Variants in COL28A1 observed in about 807,000 individuals in gnomAD.
The protein encoded by COL28A1 is collagen alpha-1(XXVIII) chain.
A neutral mutation model predicts 150.2 loss-of-function variants in COL28A1; 161 were observed. That is an observed-to-expected ratio of 1.07 (90% CI 0.94 to 1.22). COL28A1 has a LOEUF of 1.22. Ranked by LOEUF, COL28A1 falls within the 50% of genes most tolerant of loss-of-function variation. COL28A1 has a pLI of 0.00. For missense variants in COL28A1, 1,617 were observed against 1,388.3 expected (o/e 1.16, Z -2.62); for synonymous variants, 552 against 469.7 (o/e 1.18, Z -2.26).
the COL28A1 span, among the ~76,000 whole-genome samples, chr7:7,346,589 G>A: frequency 6.6e-6 from 1 of 151,892 alleles, no homozygotes; most frequent in Non-Finnish European, 1.5e-5. Context: ...CCTTTAATAT[G>A]TTCATGTCTA....
chr7:7,491,994 C>G (rs1272261002), intron 11 of COL28A1, among the ~76,000 whole-genome samples: 3 of 152,156 alleles, frequency 2.0e-5, no homozygotes, highest in Non-Finnish European at 4.4e-5. Context: ...ACACGTGTAC[C>G]TTTAATTTAT....
chr7:7,438,276 A>T (rs571674913), intron 21 of COL28A1, among the ~76,000 whole-genome samples: 70 of 152,274 alleles, frequency 4.6e-4, no homozygotes, highest in African/African-American at 1.5e-3. Context: ...CTATGATTTT[A>T]AAAAAATGAC....
intron 20 of COL28A1, among the ~76,000 whole-genome samples, 179 bp downstream of exon 20, chr7:7,443,405 AT>A (rs145629603): frequency 0.023 from 3,542 of 152,312 alleles, 114 homozygotes; most frequent in African/African-American, 0.073. Context: ...CGTTAGGAAA[AT>A]AAAAGTGAAT....
chr7:7,447,464 G>A (rs10257694), intron 18 of COL28A1, among the ~76,000 whole-genome samples: 28,619 of 151,062 alleles, frequency 0.19, 3,449 homozygotes, highest in African/African-American at 0.34. Context: ...AAAAATAGGC[G>A]TTCAAAAAGG....
At chr7:7,350,674 T>TTAA in the COL28A1 span, among the ~76,000 whole-genome samples, 2 of 134,112 alleles carry the variant, frequency 1.5e-5, no homozygotes, top group African/African-American at 5.4e-5. Flanking sequence ...TTTTTTTTTT[T>TTAA]AAAACCGCTG....
chr7:7,432,032 A>T (rs983815267), intron 25 of COL28A1, among the ~76,000 whole-genome samples: 1 of 152,184 alleles, frequency 6.6e-6, no homozygotes, highest in Non-Finnish European at 1.5e-5. Context: ...TAAATTAGAG[A>T]TGTTTGTGAG....
intron 5 of COL28A1, among the ~76,000 whole-genome samples, chr7:7,521,365 G>A (rs1781714627): frequency 6.6e-6 from 1 of 152,170 alleles, no homozygotes; most frequent in African/African-American, 2.4e-5. Flanking sequence ...AATCATCATA[G>A]TCAATCCTGC....
intron 13 of COL28A1, among the ~76,000 whole-genome samples, chr7:7,489,119 AC>A (rs1324392262): frequency 6.6e-6 from 1 of 152,024 alleles, no homozygotes; most frequent in Non-Finnish European, 1.5e-5. Context: ...AATACAAAAA[AC>A]ATTAGCTGGG....
Position 7,517,807 on chromosome 7 carries a change from T to G in COL28A1, c.844A>C (p.Arg282=), listed in dbSNP as rs369683040. The change falls in exon 7 of 35, where the codon AGA becomes CGA. Residue 282 remains arginine (R), a synonymous_variant. Transcript: ENST00000399429. ...AGTTGTGTACATACCCCTGGACCTCTTTCTCCAGCTTCTCCTTTTTGAGCG... is the reference window on the plus strand; with the variant it reads ...AGTTGTGTACATACCCCTGGACCTCGTTCTCCAGCTTCTCCTTTTTGAGCG... ...GNAQKGEAGE[R]GPGGIPGYKG... The G allele has an allele frequency of 6.2e-7, 1 of 1,613,814 alleles. No homozygotes were observed. The highest frequency in any genetic ancestry group is 8.5e-7 in the Non-Finnish European group (1 of 1,179,720).
At chr7:7,539,505 G>A (rs1351833435), upstream of COL28A1, among the ~76,000 whole-genome samples, 1 of 152,138 alleles carries the variant, frequency 6.6e-6, no homozygotes. Flanking sequence ...CAACAGTGGG[G>A]ATGAAATTTC....
rs574204181 is a variant in COL28A1, at chr7:7,510,947, CAT to C, written c.927+142_927+143del. 104 of 683,188 alleles carry C rather than the reference CAT, an allele frequency of 1.5e-4. No homozygotes were observed. The Middle Eastern group carries it at 2.4e-3, about 16-fold the overall frequency. The allele number at this position is 683,188 out of a possible 1,614,324, so 42.3% of individuals were successfully genotyped here. The stretch of plus-strand genomic sequence containing the variant: ...TTAGGCATCACTTTGTTTTCTACCA[CAT>C]GTTTTACAGATGTGAAAAATTGAGC... On this transcript the variant is annotated intron_variant, in intron 9 of 34. Transcript: ENST00000399429.
intron 21 of COL28A1, among the ~76,000 whole-genome samples, chr7:7,438,713 A>T (rs974388510): frequency 1.3e-5 from 2 of 152,232 alleles, no homozygotes; most frequent in Non-Finnish European, 2.9e-5. Context: ...AACAGAAATT[A>T]CAATTAAAAA....
chr7:7,497,204 G>C (rs1274052205), intron 11 of COL28A1, among the ~76,000 whole-genome samples: 1 of 152,118 alleles, frequency 6.6e-6, no homozygotes, highest in Admixed American at 6.5e-5. Context: ...TCATTTCAGA[G>C]GAAGTGTTGT....
intron 27 of COL28A1, among the ~76,000 whole-genome samples, chr7:7,384,311 CT>C (rs1583261282): frequency 6.6e-6 from 1 of 152,142 alleles, no homozygotes; most frequent in African/African-American, 2.4e-5. Flanking sequence ...GGAGTGCTTC[CT>C]CTGTTAGTTG....
rs1280529490 is a variant in COL28A1 at position 7,531,408 on chromosome 7, G to C, written c.621C>G (p.Ser207=). 1.3e-6 allele frequency: 2 copies of C among 1,599,150 alleles called. No individual in the cohort carries two copies. Among genetic ancestry groups the C allele is most frequent in the Non-Finnish European group, 1.7e-6 (2 of 1,168,778 alleles). Residue 207 remains serine (S), a synonymous_variant, in exon 3 of 35, where the codon TCC becomes TCG. Transcript: ENST00000399429. ...CACTCAACAGTAAAGTGGGTTCACT[G>C]GATGAATCCCCAGAAATCAAACGAA... ...AKLRLISGDS[S]SEPTLLLSDP...
the COL28A1 span, among the ~76,000 whole-genome samples, chr7:7,344,931 C>T: frequency 3.5e-4 from 53 of 152,022 alleles, 2 homozygotes; most frequent in African/African-American, 1.2e-3. Context: ...TGAGTTATTA[C>T]AGCGCAAGAT....
At chr7:7,411,252 A>T (rs974532133) in intron 27 of COL28A1, among the ~76,000 whole-genome samples, 2 of 152,198 alleles carry the variant, frequency 1.3e-5, no homozygotes, top group Non-Finnish European at 2.9e-5. Context: ...CTTCCTAAGA[A>T]ATGACATTAA....
chr7:7,414,405 T>A (rs1040851285), intron 27 of COL28A1, among the ~76,000 whole-genome samples: 2 of 152,178 alleles, frequency 1.3e-5, no homozygotes, highest in African/African-American at 4.8e-5. Context: ...ACAACAGACA[T>A]CTGTGGTTGG....
chr7:7,373,226 C>A lies in COL28A1; in HGVS notation c.2680G>T (p.Gly894Cys), dbSNP rs1408140418. The A allele has an allele frequency of 6.2e-7, 1 of 1,614,066 alleles. No individual in the cohort carries two copies. The highest frequency in any genetic ancestry group is 8.5e-7 in the Non-Finnish European group (1 of 1,180,038). ...ANDMFEDARP[G>C]VKKVALVITD... ...ATGACCAAGGCCACTTTTTTTACAC[C>A]TGGCCTTGCATCTTCAAACATGTCG... Residue 894 changes from glycine (G) to cysteine (C), a missense_variant, in exon 32 of 35, where the codon GGT becomes TGT. Transcript: ENST00000399429. The surrounding 1 kb of genome is among the most constrained non-coding windows in gnomAD (Gnocchi z 4.1).
Sources: allele counts gnomAD v4.1 joint callset (sites outside exome capture counted in the v4.1 genomes callset), GRCh38; gene constraint gnomAD v4.1.1; non-coding constraint Gnocchi (gnomAD v3.1); transcripts MANE v1.5; gene names NCBI Gene and HGNC (gene_info 2026-07-23, HGNC 2026-07-21).